CRIM1: variants seen among roughly 807,000 people sequenced by gnomAD.
The protein encoded by CRIM1 is cysteine rich transmembrane BMP regulator 1, also known as cysteine-rich motor neuron 1 protein.
Under a neutral mutation model 116.4 loss-of-function variants are expected in CRIM1, and 32 were observed. That is an observed-to-expected ratio of 0.27 (90% confidence interval 0.21 to 0.37). The LOEUF (loss-of-function observed/expected upper bound fraction) is 0.37, where lower values mean the gene tolerates loss of function less well. Ranked by LOEUF, CRIM1 falls within the 10% of genes least tolerant of loss-of-function variation. CRIM1 has a pLI of 1.00. For synonymous variants in CRIM1, 590 were observed against 509.2 expected, an observed-to-expected ratio of 1.16 and a Z score of -2.13; for missense variants, 1,331 against 1,354.8, an observed-to-expected ratio of 0.98 and a Z score of 0.28.
At chr2:36,529,989 C>T (rs2125148341) in intron 13 of CRIM1, among the ~76,000 whole-genome samples, 1 of 152,188 alleles carries the variant, frequency 6.6e-6, no homozygotes, top group East Asian at 1.9e-4. Context: ...GCCGACATGA[C>T]AGCATGTACC....
At chr2:36,413,738 G>A (rs531857840) in intron 2 of CRIM1, among the ~76,000 whole-genome samples, 69 of 152,236 alleles carry the variant, frequency 4.5e-4, no homozygotes, top group African/African-American at 1.4e-3. Context: ...GCAGTTTTTG[G>A]ATTTTCATCT....
chr2:36,384,434 A>G (rs1380123189), intron 1 of CRIM1, among the ~76,000 whole-genome samples: 1 of 152,198 alleles, frequency 6.6e-6, no homozygotes, highest in African/African-American at 2.4e-5. Context: ...CCCCAAAGTG[A>G]GGACCCAGTG....
intron 4 of CRIM1, among the ~76,000 whole-genome samples, chr2:36,451,578 C>T (rs934518691): frequency 2.0e-5 from 3 of 152,272 alleles, no homozygotes; most frequent in African/African-American, 2.4e-5. Context: ...AGAAATGGAA[C>T]GAGCAGCAGG....
At chr2:36,519,815 A>G (rs1178415200) in intron 12 of CRIM1, among the ~76,000 whole-genome samples, 1 of 152,170 alleles carries the variant, frequency 6.6e-6, no homozygotes. Context: ...CAGCATACAA[A>G]AGGGAGAGGG....
chr2:36,548,403 G>C (rs1667507586), intron 16 of CRIM1, 122 bp from the exon 17 acceptor site: 2 of 635,330 alleles, frequency 3.1e-6, no homozygotes, highest in African/African-American at 1.9e-5. Flanking sequence ...CTGCATACAG[G>C]CTATCAATCA....
chr2:36,480,234 A>C (rs1323952585), intron 7 of CRIM1, among the ~76,000 whole-genome samples: 1 of 152,168 alleles, frequency 6.6e-6, no homozygotes, highest in Non-Finnish European at 1.5e-5. Flanking sequence ...TGCATTTGCT[A>C]TCTCTCTTCT....
intron 8 of CRIM1, among the ~76,000 whole-genome samples, chr2:36,504,839 C>A (rs538174087): frequency 6.6e-6 from 1 of 152,166 alleles, no homozygotes. Context: ...TAGCATCAGT[C>A]TTTTGGCATC....
chr2:36,548,807 G>T lies in CRIM1; in HGVS notation c.*106G>T. Reference sequence around the variant, plus strand: ...TGCTTAGTGGATTGTATTGGATTGTGACTTGATGTACAGCGCTAAGACCTT... The same window carrying T: ...TGCTTAGTGGATTGTATTGGATTGTTACTTGATGTACAGCGCTAAGACCTT... On this transcript the variant is annotated 3_prime_UTR_variant, in exon 17 of 17. Transcript: ENST00000280527. The T allele has an allele frequency of 1.1e-6, 1 of 939,336 alleles. No homozygotes were observed. Among genetic ancestry groups the T allele is most frequent in the Non-Finnish European group, 1.6e-6 (1 of 625,758 alleles). The allele number at this position is 939,336 out of a possible 1,614,324, so 58.2% of individuals were successfully genotyped here.
intron 11 of CRIM1, among the ~76,000 whole-genome samples, chr2:36,517,034 TC>T (rs1665074706): frequency 6.6e-6 from 1 of 152,192 alleles, no homozygotes; most frequent in Admixed American, 6.5e-5. Context: ...AGGCCCCTGT[TC>T]TCATCTCTAG....
chr2:36,442,164 C>G (rs1339175955), intron 3 of CRIM1, among the ~76,000 whole-genome samples: 1 of 152,046 alleles, frequency 6.6e-6, no homozygotes, highest in Non-Finnish European at 1.5e-5. Context: ...GTGAACACTT[C>G]TGAGTTATAG....
intron 2 of CRIM1, among the ~76,000 whole-genome samples, chr2:36,399,733 G>A (rs1161203800): frequency 6.6e-6 from 1 of 152,208 alleles, no homozygotes; most frequent in Non-Finnish European, 1.5e-5. Flanking sequence ...TAAGAAAGGC[G>A]ATTGCAGGAG....
At chr2:36,455,087 G>A (rs1338572855) in intron 4 of CRIM1, among the ~76,000 whole-genome samples, 1 of 152,146 alleles carries the variant, frequency 6.6e-6, no homozygotes, top group African/African-American at 2.4e-5. Context: ...GTGTCAGTGT[G>A]GTAGAGCATG....
chr2:36,375,103 A>G (rs556550953), intron 1 of CRIM1, among the ~76,000 whole-genome samples: 8 of 149,360 alleles, frequency 5.4e-5, no homozygotes, highest in Non-Finnish European at 1.2e-4. Context: ...TTCAAAATGA[A>G]TTTGCAACTT....
intron 5 of CRIM1, among the ~76,000 whole-genome samples, chr2:36,468,911 T>A (rs943375598): frequency 6.6e-6 from 1 of 152,232 alleles, no homozygotes; most frequent in Non-Finnish European, 1.5e-5. Context: ...AATATCTTGG[T>A]TGGAAAGTCG....
At chr2:36,363,222 C>G (rs1391753762) in intron 1 of CRIM1, among the ~76,000 whole-genome samples, 1 of 147,154 alleles carries the variant, frequency 6.8e-6, no homozygotes, top group Non-Finnish European at 1.5e-5. Context: ...AAAAAAAGAA[C>G]TTGGTTTCTG....
At chr2:36,517,599 T>A (rs1462417808) in intron 12 of CRIM1, 57 bp downstream of exon 12, 1 of 1,539,472 alleles carries the variant, frequency 6.5e-7, no homozygotes, top group South Asian at 1.2e-5. Context: ...CTCTGGGTGT[T>A]GTCATTCTGT....
At chr2:36,429,145 A>C (rs1674679346) in intron 2 of CRIM1, among the ~76,000 whole-genome samples, 1 of 152,250 alleles carries the variant, frequency 6.6e-6, no homozygotes, top group Non-Finnish European at 1.5e-5. Flanking sequence ...CCCAATCCCC[A>C]TAACATTTAT....
chr2:36,476,813 G>A (rs940168595), intron 5 of CRIM1, 76 bp from the exon 6 acceptor site: 3 of 1,223,690 alleles, frequency 2.5e-6, no homozygotes, highest in East Asian at 2.4e-5. Context: ...ATTTTCTAGA[G>A]GCTGTTTGAA....
chr2:36,443,129 A>C (rs916324054), intron 4 of CRIM1, among the ~76,000 whole-genome samples: 1 of 152,174 alleles, frequency 6.6e-6, no homozygotes, highest in African/African-American at 2.4e-5. Context: ...GTGATGAAAC[A>C]TTGGGACCCT....
Sources: gnomAD v4.1 joint callset for allele counts (sites outside exome capture counted in the v4.1 genomes callset) on GRCh38, gnomAD v4.1.1 for gene constraint, MANE v1.5 for transcripts, NCBI Gene and HGNC (gene_info 2026-07-23, HGNC 2026-07-21) for gene names.